The following TMEM232 variants were observed in gnomAD, a reference collection of about 807,000 sequenced individuals.
TMEM232 encodes the protein transmembrane protein 232.
In TMEM232, 80 loss-of-function variants were observed where a neutral mutation model predicts 78.8. That is an observed-to-expected ratio of 1.01 (90% CI 0.85 to 1.22). TMEM232 has a LOEUF of 1.22. TMEM232 is among the 50% of genes most tolerant of loss of function. TMEM232 has a pLI of 0.00. For missense variants in TMEM232, 881 were observed against 742.2 expected, an observed-to-expected ratio of 1.19 and a Z score of -2.17; for synonymous variants, 297 against 254.3, an observed-to-expected ratio of 1.17 and a Z score of -1.60.
intron 12 of TMEM232, among the ~76,000 whole-genome samples, chr5:110,463,680 T>TA (rs1350525881): frequency 2.6e-5 from 4 of 152,152 alleles, no homozygotes; most frequent in Non-Finnish European, 5.9e-5. Context: ...AAAACATGAG[T>TA]CTTACTCCTA....
At chr5:110,710,005 T>G (rs1204207361) in intron 1 of TMEM232, among the ~76,000 whole-genome samples, 1 of 151,322 alleles carries the variant, frequency 6.6e-6, no homozygotes, top group Non-Finnish European at 1.5e-5. Context: ...AAGATAAACT[T>G]GGAAAACCTT....
At chr5:110,538,216 T>G (rs917668039) in intron 11 of TMEM232, among the ~76,000 whole-genome samples, 3 of 152,198 alleles carry the variant, frequency 2.0e-5, no homozygotes, top group Non-Finnish European at 2.9e-5. Context: ...TATACTACTC[T>G]GGACTCTTCT....
intron 5 of TMEM232, among the ~76,000 whole-genome samples, chr5:110,631,736 A>C (rs1785158123): frequency 6.6e-6 from 1 of 152,080 alleles, no homozygotes; most frequent in Non-Finnish European, 1.5e-5. Flanking sequence ...CTTGAGCTGC[A>C]TGACTGGGGC....
At chr5:110,435,357 A>G (rs1758306907) in intron 12 of TMEM232, among the ~76,000 whole-genome samples, 1 of 151,774 alleles carries the variant, frequency 6.6e-6, no homozygotes, top group Non-Finnish European at 1.5e-5. Flanking sequence ...TTGTGGGTAT[A>G]TACTAGGTAT....
At chr5:110,451,956 T>C (rs1418897419) in intron 12 of TMEM232, among the ~76,000 whole-genome samples, 2 of 152,134 alleles carry the variant, frequency 1.3e-5, no homozygotes, top group African/African-American at 2.4e-5. Context: ...TGCTAAGATA[T>C]TGAGAGAAGT....
At chr5:110,668,227 A>G (rs926254432) in intron 1 of TMEM232, among the ~76,000 whole-genome samples, 1 of 152,182 alleles carries the variant, frequency 6.6e-6, no homozygotes, top group Non-Finnish European at 1.5e-5. Flanking sequence ...GAGACTAGAA[A>G]GAACAAAATA....
chr5:110,600,237 A>G lies in TMEM232; in HGVS notation c.1276+4872T>C, dbSNP rs148390261. Among the ~76,000 whole-genome samples, 643 of 152,316 alleles carry G rather than the reference A, an allele frequency of 4.2e-3. 3 individuals are homozygous for G. Among genetic ancestry groups the G allele is most frequent in the African/African-American group, 0.014 (597 of 41,578 alleles). ...GAAGATCTAAAATCAACACCCTAACATCACAGTTAAAAGAAGTAGAGAAGC... is the reference window on the plus strand; with the variant it reads ...GAAGATCTAAAATCAACACCCTAACGTCACAGTTAAAAGAAGTAGAGAAGC... On this transcript the variant is annotated intron_variant, in intron 10 of 13. Coordinates refer to ENST00000455884, the MANE Select transcript of TMEM232 (RefSeq NM_001039763.4).
In TMEM232 at chr5:110,610,606, A is replaced by C. The variant is rs559889867; in HGVS notation, c.903-4319T>G. 6.2e-5 allele frequency: 28 copies of C among 448,322 alleles called. No individual in the cohort carries two copies. The East Asian group carries it at 2.0e-3, about 31-fold the overall frequency. 27.8% of individuals were successfully genotyped at this position (448,322 alleles called of 1,614,324 possible). A position where few individuals can be genotyped will look rare whatever the true frequency, so the allele number is the denominator to read the frequency against. ...GGATTTGCCTCAATAGGCTCCTAAC[A>C]TGGACAAGAAAGGGTGCCAGTTAAC... is the stretch of plus-strand genomic sequence containing the variant. On this transcript the variant is annotated intron_variant, in intron 8 of 13. Transcript: ENST00000455884.
intron 8 of TMEM232, among the ~76,000 whole-genome samples, chr5:110,610,235 A>AGG (rs1782038808): frequency 2.3e-5 from 1 of 43,936 alleles, no homozygotes; most frequent in Non-Finnish European, 4.2e-5. Flanking sequence ...AGGGAAAAAG[A>AGG]AAGGAAGGAA....
intron 13 of TMEM232, among the ~76,000 whole-genome samples, chr5:110,422,739 C>T (rs115367849): frequency 0.011 from 1,699 of 152,074 alleles, 33 homozygotes; most frequent in African/African-American, 0.039. Flanking sequence ...CTGAAATTCA[C>T]CATAACATCA....
intron 8 of TMEM232, among the ~76,000 whole-genome samples, chr5:110,613,851 G>A (rs967320993): frequency 6.6e-6 from 1 of 151,756 alleles, no homozygotes; most frequent in African/African-American, 2.4e-5. Flanking sequence ...ACCTATACAG[G>A]CCTTTATATA....
intron 1 of TMEM232, among the ~76,000 whole-genome samples, chr5:110,723,085 T>C (rs1797809142): frequency 6.6e-6 from 1 of 152,194 alleles, no homozygotes; most frequent in African/African-American, 2.4e-5. Flanking sequence ...AGATAATTGA[T>C]ATAATTTCTT....
At chr5:110,398,804 C>T (rs1296713482) in intron 2 of TMEM232, among the ~76,000 whole-genome samples, 1 of 151,888 alleles carries the variant, frequency 6.6e-6, no homozygotes, top group Admixed American at 6.6e-5. Flanking sequence ...GCTGTAATTA[C>T]TAGTGGTGTT....
chr5:110,421,895 GT>G (rs1482319121), intron 13 of TMEM232, among the ~76,000 whole-genome samples: 2 of 152,048 alleles, frequency 1.3e-5, no homozygotes, highest in African/African-American at 4.8e-5. Flanking sequence ...AAATACAAAA[GT>G]TAACTGCACT....
At chr5:110,558,894 AGGGGCCGTCT>A (rs1169613437) in intron 11 of TMEM232, among the ~76,000 whole-genome samples, 2 of 152,094 alleles carry the variant, frequency 1.3e-5, no homozygotes, top group African/African-American at 4.8e-5. Context: ...CCCCACCTCT[AGGGGCCGTCT>A]GGGGCCAGGA....
intron 10 of TMEM232, among the ~76,000 whole-genome samples, chr5:110,600,746 G>A (rs1012193509): frequency 2.0e-5 from 3 of 152,144 alleles, no homozygotes; most frequent in Non-Finnish European, 4.4e-5. Context: ...AGAGGAGCTG[G>A]TACCATTCCT....
intron 3 of TMEM232, among the ~76,000 whole-genome samples, chr5:110,397,593 G>A (rs1297311548): frequency 6.6e-6 from 1 of 152,072 alleles, no homozygotes; most frequent in Non-Finnish European, 1.5e-5. Flanking sequence ...TTATGTAATG[G>A]AACTCATAAT....
intron 5 of TMEM232, among the ~76,000 whole-genome samples, chr5:110,632,506 G>GA (rs1266517272): frequency 6.6e-6 from 1 of 151,704 alleles, no homozygotes; most frequent in Non-Finnish European, 1.5e-5. Context: ...CAAAAAGTCA[G>GA]AAAAAAACAA....
intron 8 of TMEM232, among the ~76,000 whole-genome samples, chr5:110,607,682 C>T (rs368777699): frequency 9.9e-5 from 15 of 151,984 alleles, no homozygotes; most frequent in African/African-American, 3.6e-4. Flanking sequence ...CTTGGAATAG[C>T]CATACAGTGC....
Sources: gnomAD v4.1 joint callset for allele counts (sites outside exome capture counted in the v4.1 genomes callset) on GRCh38, gnomAD v4.1.1 for gene constraint, MANE v1.5 for transcripts, NCBI Gene and HGNC (gene_info 2026-07-23, HGNC 2026-07-21) for gene names.